DAB1: variants seen among roughly 807,000 people sequenced by gnomAD.
The protein encoded by DAB1 is DAB adaptor protein 1.
In DAB1, 15 loss-of-function variants were observed where a neutral mutation model predicts 64.6. The observed-to-expected ratio is 0.23, with a 90% CI of 0.16 to 0.36. The LOEUF is 0.36. DAB1 is among the 10% of genes least tolerant of loss of function. The pLI is 1.00. For synonymous variants in DAB1, 235 were observed against 251.9 expected (o/e 0.93, Z 0.64); for missense variants, 596 against 706.7 (o/e 0.84, Z 1.78).
intron 5 of DAB1, among the ~76,000 whole-genome samples, chr1:58,045,512 G>A (rs1647220606): frequency 6.6e-6 from 1 of 152,160 alleles, no homozygotes; most frequent in African/African-American, 2.4e-5. Flanking sequence ...CGATAATGAG[G>A]TGGCAAGAGA....
At chr1:57,009,190 G>T (rs138108556) in intron 14 of DAB1, among the ~76,000 whole-genome samples, 2 of 152,256 alleles carry the variant, frequency 1.3e-5, no homozygotes, top group East Asian at 1.9e-4. Context: ...TCAAGGCAAG[G>T]TTGAGCACGT....
intron 2 of DAB1, among the ~76,000 whole-genome samples, chr1:57,152,087 T>C (rs769786473): frequency 7.9e-5 from 12 of 152,232 alleles, no homozygotes; most frequent in Non-Finnish European, 1.3e-4. Flanking sequence ...GTGCTGGCAT[T>C]ACAGGCATAA....
intron 2 of DAB1, among the ~76,000 whole-genome samples, chr1:57,284,909 G>A (rs865797083): frequency 6.6e-6 from 1 of 152,282 alleles, no homozygotes; most frequent in African/African-American, 2.4e-5. Context: ...GTTACAGAAG[G>A]TTCACACTCG....
chr1:58,137,341 C>T (rs546953943), intron 5 of DAB1, among the ~76,000 whole-genome samples: 9 of 152,202 alleles, frequency 5.9e-5, no homozygotes, highest in Non-Finnish European at 1.2e-4. Context: ...CCTGTGTCCC[C>T]TCTTCTTAGT....
intron 7 of DAB1, among the ~76,000 whole-genome samples, chr1:57,632,140 T>G (rs1409145315): frequency 1.3e-5 from 2 of 152,200 alleles, no homozygotes; most frequent in Non-Finnish European, 2.9e-5. Context: ...AATTAAATAT[T>G]AGAGAGTCTC....
intron 6 of DAB1, among the ~76,000 whole-genome samples, chr1:57,734,979 C>T (rs537608895): frequency 4.5e-4 from 68 of 152,282 alleles, no homozygotes; most frequent in African/African-American, 1.1e-3. Flanking sequence ...CATTTAAATG[C>T]CATTAATTTC....
chr1:57,781,955 C>A (rs906191096), intron 6 of DAB1, among the ~76,000 whole-genome samples: 3 of 152,080 alleles, frequency 2.0e-5, no homozygotes, highest in African/African-American at 4.8e-5. Context: ...GGGCAAGCAA[C>A]TAACTTTCAA....
At chr1:57,050,460 C>T (rs1016533280) in intron 9 of DAB1, among the ~76,000 whole-genome samples, 1 of 152,212 alleles carries the variant, frequency 6.6e-6, no homozygotes, top group Non-Finnish European at 1.5e-5. Context: ...TGGAGGCACC[C>T]TATGGTCCTG....
chr1:57,554,256 T>C (rs1280212214), intron 7 of DAB1, among the ~76,000 whole-genome samples: 2 of 152,200 alleles, frequency 1.3e-5, no homozygotes, highest in Non-Finnish European at 2.9e-5. Flanking sequence ...CAATGCAGTG[T>C]TTAAAACTCA....
At chr1:58,527,437 G>A (rs997738500) in intron 1 of DAB1, 13 of 680,668 alleles carry the variant, frequency 1.9e-5, no homozygotes, top group Non-Finnish European at 5.3e-6. Flanking sequence ...GAGTATCTAG[G>A]ATAAAATTCC....
chr1:57,494,143 A>T (rs1277818209), intron 7 of DAB1, among the ~76,000 whole-genome samples: 3 of 152,198 alleles, frequency 2.0e-5, no homozygotes, highest in African/African-American at 7.2e-5. Context: ...TATTTCAATT[A>T]TAATAAGTCA....
In DAB1 at chr1:57,386,386, A is replaced by AAAAAG. The variant is rs548332875; in HGVS notation, c.-137+37543_-137+37544insCTTTT. Among the ~76,000 whole-genome samples, 739 of 144,188 alleles carry AAAAAG rather than the reference A, an allele frequency of 5.1e-3. 9 individuals carry two copies. The highest frequency in any genetic ancestry group is 0.013 in the African/African-American group (498 of 37,814). 94.6% of individuals were successfully genotyped at this position (144,188 alleles called of 152,430 possible). On this transcript the variant is annotated intron_variant, in intron 1 of 14. Coordinates refer to ENST00000371236, the MANE Select transcript of DAB1 (RefSeq NM_001365792.1). The stretch of plus-strand genomic sequence containing the variant: ...CTTGGGAAAAAAAAAAAAAAAAAAA[A>AAAAAG]ACCCGTCTTTTTCATCTCCATAAAC...
chr1:58,067,248 A>G (rs1648910418), intron 5 of DAB1, among the ~76,000 whole-genome samples: 1 of 152,246 alleles, frequency 6.6e-6, no homozygotes, highest in Non-Finnish European at 1.5e-5. Flanking sequence ...CAATGTAACT[A>G]TGACGAGGAG....
intron 7 of DAB1, among the ~76,000 whole-genome samples, chr1:57,493,676 TTTA>T (rs920415431): frequency 6.6e-6 from 1 of 151,946 alleles, no homozygotes; most frequent in African/African-American, 2.4e-5. Flanking sequence ...GCAGGAGATA[TTTA>T]CTAGAAGTAT....
At chr1:57,544,181 A>C (rs1019344803) in intron 7 of DAB1, among the ~76,000 whole-genome samples, 3 of 152,162 alleles carry the variant, frequency 2.0e-5, no homozygotes, top group Non-Finnish European at 4.4e-5. Flanking sequence ...ATGCATGAGA[A>C]TATGCATTTA....
In DAB1 at chr1:57,010,746, C is replaced by A. The variant is rs1289197208; in HGVS notation, c.1617G>T (p.Glu539Asp). ...QASSNSDPFG[E>D]PSGEPSGDNI... The stretch of plus-strand genomic sequence containing the variant: ...TATCACCACTGGGCTCCCCACTGGG[C>A]TCACCAAATGGATCACTGTTGGATG... The change falls in exon 14 of 15, where the codon GAG (glutamate) becomes GAT (aspartate). Residue 539 changes from glutamate (E) to aspartate (D), a missense_variant. Around this residue, in one of 3 missense-constraint regions of DAB1, gnomAD observed 377 missense variants for 400.4 expected, o/e 0.94. Coordinates refer to ENST00000371236, the MANE Select transcript of DAB1 (RefSeq NM_001365792.1). 8.8e-6 allele frequency: 14 copies of A among 1,598,782 alleles called. No homozygotes were observed. Among genetic ancestry groups the A allele is most frequent in the Non-Finnish European group, 1.2e-5 (14 of 1,170,154 alleles).
At position 57,060,352 on chromosome 1, in the gene DAB1, A is replaced by G. The variant is rs377334680; in HGVS notation, c.723+2532T>C. Among the ~76,000 whole-genome samples the G allele has an allele frequency of 2.0e-3, 302 of 152,022 alleles. 2 individuals are homozygous for G. The highest frequency in any genetic ancestry group is 7.0e-3 in the African/African-American group (290 of 41,438). On this transcript the variant is annotated intron_variant, in intron 9 of 14. Transcript: ENST00000371236. Reference sequence around the variant, plus strand: ...TTTTTAGTAGAGACGGGGTTTCACCATGCTGGCCAGGCTGGTCTCGAACTC... The same window carrying G: ...TTTTTAGTAGAGACGGGGTTTCACCGTGCTGGCCAGGCTGGTCTCGAACTC...
chr1:57,753,260 G>A (rs144807157), intron 6 of DAB1, among the ~76,000 whole-genome samples: 5 of 152,260 alleles, frequency 3.3e-5, no homozygotes, highest in East Asian at 1.9e-4. Context: ...TATAGGGGTC[G>A]AAGCGCTGAC....
At chr1:58,197,165 A>C (rs1657721650) in intron 4 of DAB1, among the ~76,000 whole-genome samples, 1 of 152,198 alleles carries the variant, frequency 6.6e-6, no homozygotes, top group Admixed American at 6.5e-5. Flanking sequence ...AACCCCCTGC[A>C]AGCTTCAGTG....
Sources: allele counts gnomAD v4.1 joint callset (sites outside exome capture counted in the v4.1 genomes callset), GRCh38; gene constraint gnomAD v4.1.1; regional missense constraint gnomAD v4.1.1; transcripts MANE v1.5; gene names NCBI Gene and HGNC (gene_info 2026-07-23, HGNC 2026-07-21).